Variants in CWC15 observed in about 807,000 individuals in gnomAD.
CWC15 encodes the protein spliceosome-associated protein CWC15 homolog.
A neutral mutation model predicts 28.4 loss-of-function variants in CWC15; 12 were observed. That is an observed-to-expected ratio of 0.42 (90% CI 0.27 to 0.69). The LOEUF (loss-of-function observed/expected upper bound fraction) is 0.69, where lower values mean the gene tolerates loss of function less well. CWC15 is among the 30% of genes least tolerant of loss of function. The pLI, the probability that CWC15 is intolerant of heterozygous loss-of-function variation, is 0.23. For synonymous variants in CWC15, 92 were observed against 88.4 expected (o/e 1.04, Z -0.23); for missense variants, 192 against 271.5 (o/e 0.71, Z 2.06).
intron 5 of CWC15, among the ~76,000 whole-genome samples, chr11:94,968,605 T>A (rs148786540): frequency 1.0e-3 from 156 of 152,368 alleles, no homozygotes; most frequent in African/African-American, 3.6e-3. Flanking sequence ...TTATAATTCT[T>A]TGACTTTTAA....
intron 1 of CWC15, among the ~76,000 whole-genome samples, chr11:94,973,071 C>T (rs587745921): frequency 6.6e-6 from 1 of 150,600 alleles, no homozygotes; most frequent in South Asian, 2.1e-4. Flanking sequence ...TGCTAATTCT[C>T]TCAACTTTCA....
intron 5 of CWC15, among the ~76,000 whole-genome samples, chr11:94,967,739 T>C (rs953901308): frequency 6.6e-6 from 1 of 152,242 alleles, no homozygotes; most frequent in African/African-American, 2.4e-5. Flanking sequence ...AAGATCTAAC[T>C]TGTAAGGAAA....
chr11:94,963,805 T>C lies in CWC15; in HGVS notation c.561-291A>G, dbSNP rs114086291. Among the ~76,000 whole-genome samples the C allele has an allele frequency of 6.4e-3, 973 of 152,328 alleles. 14 individuals carry two copies. The highest frequency in any genetic ancestry group is 0.022 in the African/African-American group (925 of 41,570). Reference sequence around the variant, plus strand: ...TATATAGATTTTAATTGCATAAATATTTAATGTTTTTAGGTCTAATAGAAA... The same window carrying C: ...TATATAGATTTTAATTGCATAAATACTTAATGTTTTTAGGTCTAATAGAAA... On this transcript the variant is annotated intron_variant, in intron 6 of 6. Transcript: ENST00000279839.
intron 1 of CWC15, chr11:94,973,258 T>C (rs1857755255): frequency 6.6e-6 from 1 of 150,882 alleles, no homozygotes; most frequent in African/African-American, 2.4e-5. Context: ...GTGCGAAGGG[T>C]AGTGAAGGGA....
At chr11:94,965,827 C>T (rs1024247958) in intron 6 of CWC15, among the ~76,000 whole-genome samples, 1 of 152,150 alleles carries the variant, frequency 6.6e-6, no homozygotes, top group Non-Finnish European at 1.5e-5. Context: ...ACATGGATTC[C>T]TCTATTCTCT....
intron 5 of CWC15, 53 bp downstream of exon 5, chr11:94,969,936 T>C: frequency 8.4e-7 from 1 of 1,187,108 alleles, no homozygotes; most frequent in South Asian, 2.0e-5. Flanking sequence ...AAAAAATTTC[T>C]ACCTTAGTGT....
chr11:94,969,595 T>C (rs1049180737), intron 5 of CWC15, among the ~76,000 whole-genome samples: 23 of 152,188 alleles, frequency 1.5e-4, no homozygotes, highest in African/African-American at 5.5e-4. Context: ...ACCTAGGTTA[T>C]ATAATATCTA....
At position 94,971,390 on chromosome 11, in the gene CWC15, C is replaced by T; in HGVS notation, c.229G>A (p.Asp77Asn). Residue 77 changes from aspartate (D) to asparagine (N), a missense_variant, in exon 3 of 7, where the codon GAT (aspartate) becomes AAT (asparagine). By Grantham distance (23) the Asp-to-Asn change is conservative. Coordinates refer to ENST00000279839, the MANE Select transcript of CWC15 (RefSeq NM_016403.4). ...ERAAAREKNR[D>N]RPTREHTTSS... ...GTGTTGGTACCTCGGGTTGGACGAT[C>T]CCTATTTTTCTCTCTTGCAGCAGCT... The T allele has an allele frequency of 6.2e-7, 1 of 1,611,584 alleles. No individual in the cohort carries two copies. Among genetic ancestry groups the T allele is most frequent in the Non-Finnish European group, 8.5e-7 (1 of 1,178,536 alleles).
chr11:94,966,224 T>TACACAC lies in CWC15; in HGVS notation c.560+70_560+71insGTGTGT, dbSNP rs1447749262. On this transcript the variant is annotated intron_variant, in intron 6 of 6. Coordinates refer to ENST00000279839, the MANE Select transcript of CWC15 (RefSeq NM_016403.4). ...ATGCCTGTGTGTATACACATACACA[T>TACACAC]ATACACACACACACACACACACACA... is the stretch of plus-strand genomic sequence containing the variant. 2.0e-3 allele frequency: 1,478 copies of TACACAC among 733,844 alleles called. 8 individuals are homozygous for TACACAC. In the African/African-American group the frequency reaches 0.02, roughly 10 times the overall value. The allele number at this position is 733,844 out of a possible 1,614,324, so 45.5% of individuals were successfully genotyped here. A position where few individuals can be genotyped will look rare whatever the true frequency, so the allele number is the denominator to read the frequency against.
intron 6 of CWC15, among the ~76,000 whole-genome samples, chr11:94,964,201 C>T (rs1035905103): frequency 2.0e-5 from 3 of 152,096 alleles, no homozygotes; most frequent in African/African-American, 7.2e-5. Flanking sequence ...AGAATATCAC[C>T]TAGCATATAA....
chr11:94,972,273 G>A (rs1857732885), intron 1 of CWC15, 80 bp from the exon 2 acceptor site: 2 of 1,331,650 alleles, frequency 1.5e-6, no homozygotes, highest in Admixed American at 4.7e-5. Flanking sequence ...ATCCATACTG[G>A]TAAAATAAGT....
rs782363970 is a variant in CWC15 at position 94,966,396 on chromosome 11, A to G, written c.459T>C (p.Ala153=). Residue 153 remains alanine (A), a synonymous_variant, in exon 6 of 7, where the codon GCT becomes GCC. Transcript: ENST00000279839. ...TTTCCATACGAATCCTCTCTTCTTCAGCTTTTTGTTCTTGTTCCTGTCAAT... is the reference window on the plus strand; with the variant it reads ...TTTCCATACGAATCCTCTCTTCTTCGGCTTTTTGTTCTTGTTCCTGTCAAT... ...EQARKEQEQK[A]EEERIRMENI... 1 of 1,552,142 alleles carries G rather than the reference A, an allele frequency of 6.4e-7. No individual in the cohort carries two copies.
chr11:94,968,306 T>G (rs587659105), intron 5 of CWC15, among the ~76,000 whole-genome samples: 2 of 152,308 alleles, frequency 1.3e-5, no homozygotes, highest in East Asian at 3.9e-4. Flanking sequence ...AAGGGCTAAA[T>G]GGTTTGAAAA....
chr11:94,971,908 A>G, intron 2 of CWC15, 147 bp downstream of exon 2: 1 of 742,552 alleles, frequency 1.3e-6, no homozygotes, highest in African/African-American at 1.7e-5. Context: ...AAATCACAGC[A>G]GAATTTTAGT....
chr11:94,968,197 A>G (rs1454644560), intron 5 of CWC15, among the ~76,000 whole-genome samples: 4 of 152,180 alleles, frequency 2.6e-5, no homozygotes, highest in Non-Finnish European at 2.9e-5. Flanking sequence ...TTTTTATGTT[A>G]TAACAGTGGA....
intron 5 of CWC15, 132 bp from the exon 6 acceptor site, chr11:94,966,545 CT>C (rs34432027): frequency 0.17 from 40,597 of 236,164 alleles, 108 homozygotes; most frequent in Middle Eastern, 0.22. Context: ...TCAAGGCAGG[CT>C]TTTTTTTTTT....
At chr11:94,964,992 G>C (rs1435501701) in intron 6 of CWC15, among the ~76,000 whole-genome samples, 1 of 152,190 alleles carries the variant, frequency 6.6e-6, no homozygotes, top group African/African-American at 2.4e-5. Flanking sequence ...ACTGTATCAG[G>C]AGTACTGCAT....
rs1269140454 is a variant in CWC15, at chr11:94,971,057, T to C, written c.253A>G (p.Thr85Ala). The C allele has an allele frequency of 4.3e-6, 7 of 1,613,190 alleles. No individual in the cohort carries two copies. The Middle Eastern group carries it at 8.3e-4, about 190-fold the overall frequency. The change falls in exon 4 of 7, where the codon ACC (threonine) becomes GCC (alanine). Residue 85 changes from threonine (T) to alanine (A), a missense_variant. This residue lies in a region of CWC15 where 188 missense variants were observed against 250.3 expected (regional missense o/e 0.75). Transcript: ENST00000279839. ...NRDRPTREHTTSSSVSKKPRL... is the reference protein window; with the variant it reads ...NRDRPTREHTASSSVSKKPRL... Reference sequence around the variant, plus strand: ...GGCTTTTTTGACACTGAAGAGGAGGTTGTATGTTCTGGGGGGAAACAAAAA... The same window carrying C: ...GGCTTTTTTGACACTGAAGAGGAGGCTGTATGTTCTGGGGGGAAACAAAAA...
intron 5 of CWC15, among the ~76,000 whole-genome samples, chr11:94,968,835 TTTC>T (rs1233528545): frequency 6.6e-6 from 1 of 152,186 alleles, no homozygotes; most frequent in African/African-American, 2.4e-5. Context: ...TGCAGTATAT[TTTC>T]TTACTTTCTT....
Sources: allele counts gnomAD v4.1 joint callset (sites outside exome capture counted in the v4.1 genomes callset), GRCh38; gene constraint gnomAD v4.1.1; regional missense constraint gnomAD v4.1.1; transcripts MANE v1.5; gene names NCBI Gene and HGNC (gene_info 2026-07-23, HGNC 2026-07-21).